Variants in DCDC1 observed in about 807,000 individuals in gnomAD.
DCDC1 encodes the protein doublecortin domain-containing protein 1.
DCDC1 carries 200 observed loss-of-function variants against 178.3 expected under a neutral mutation model. That is an observed-to-expected ratio of 1.12 (90% CI 1.00 to 1.26). DCDC1 has a LOEUF of 1.26. DCDC1 is among the 50% of genes most tolerant of loss of function. The pLI is 0.00. For synonymous variants in DCDC1, 690 were observed against 604.8 expected, an observed-to-expected ratio of 1.14 and a Z score of -2.07; for missense variants, 1,983 against 1,749.2, an observed-to-expected ratio of 1.13 and a Z score of -2.38.
At chr11:31,280,305 T>C (rs1406974778) in intron 7 of DCDC1, among the ~76,000 whole-genome samples, 1 of 152,194 alleles carries the variant, frequency 6.6e-6, no homozygotes, top group Non-Finnish European at 1.5e-5. Flanking sequence ...TTCCCCAGTA[T>C]TTAAATATAT....
intron 27 of DCDC1, among the ~76,000 whole-genome samples, chr11:30,913,882 C>T (rs1263049886): frequency 6.6e-6 from 1 of 152,160 alleles, no homozygotes; most frequent in Non-Finnish European, 1.5e-5. Context: ...CATGCATGTC[C>T]ACCCAAATTT....
chr11:31,180,359 G>T (rs1278963676), intron 9 of DCDC1, among the ~76,000 whole-genome samples: 2 of 152,130 alleles, frequency 1.3e-5, no homozygotes, highest in Non-Finnish European at 2.9e-5. Flanking sequence ...ACCCTGATTG[G>T]ATCATTATAT....
intron 20 of DCDC1, among the ~76,000 whole-genome samples, chr11:31,053,005 T>C (rs192859458): frequency 6.6e-6 from 1 of 151,244 alleles, no homozygotes; most frequent in East Asian, 2.0e-4. Flanking sequence ...CTAAATGAAA[T>C]GGAAACAAAA....
intron 18 of DCDC1, among the ~76,000 whole-genome samples, chr11:31,068,690 C>T (rs1956388018): frequency 1.3e-5 from 2 of 151,890 alleles, no homozygotes; most frequent in Admixed American, 6.6e-5. Context: ...AAATTTTTTT[C>T]AAAACTAACA....
intron 1 of DCDC1, among the ~76,000 whole-genome samples, chr11:31,360,020 A>G (rs1053484707): frequency 1.2e-4 from 18 of 152,190 alleles, no homozygotes; most frequent in African/African-American, 4.3e-4. Context: ...AAACATACGC[A>G]ATATGTAAAA....
At chr11:31,139,132 C>T (rs548920066) in intron 9 of DCDC1, among the ~76,000 whole-genome samples, 145 of 151,990 alleles carry the variant, frequency 9.5e-4, no homozygotes, top group African/African-American at 3.4e-3. Flanking sequence ...TATATATACA[C>T]GTATATACAT....
intron 3 of DCDC1, among the ~76,000 whole-genome samples, chr11:31,314,766 C>G (rs1948968742): frequency 1.3e-5 from 2 of 152,170 alleles, no homozygotes; most frequent in Admixed American, 1.3e-4. Flanking sequence ...TTAAAGATAA[C>G]TGATTATGTC....
At chr11:31,012,898 T>C (rs1952258418) in intron 20 of DCDC1, among the ~76,000 whole-genome samples, 1 of 152,174 alleles carries the variant, frequency 6.6e-6, no homozygotes, top group Non-Finnish European at 1.5e-5. Flanking sequence ...TAATAAACAC[T>C]AATTCAGAAT....
chr11:31,028,084 A>G (rs1648837035), intron 20 of DCDC1, among the ~76,000 whole-genome samples: 1 of 151,926 alleles, frequency 6.6e-6, no homozygotes, highest in Non-Finnish European at 1.5e-5. Context: ...AATGATATAT[A>G]GTCTGTAAAA....
intron 17 of DCDC1, among the ~76,000 whole-genome samples, chr11:31,085,419 C>T (rs1410793374): frequency 6.6e-6 from 1 of 152,050 alleles, no homozygotes; most frequent in Non-Finnish European, 1.5e-5. Context: ...CTTCAGGCAA[C>T]CACTGATCTG....
intron 34 of DCDC1, among the ~76,000 whole-genome samples, chr11:30,897,275 T>C (rs1224070456): frequency 1.3e-5 from 2 of 152,130 alleles, no homozygotes; most frequent in Non-Finnish European, 2.9e-5. Flanking sequence ...TTGTAGATGA[T>C]GACAAATTAA....
chr11:30,982,249 G>A (rs948033067), intron 20 of DCDC1, among the ~76,000 whole-genome samples: 19 of 152,138 alleles, frequency 1.2e-4, no homozygotes, highest in Admixed American at 5.9e-4. Context: ...CTTCCAAGGT[G>A]AGTTAAAGTT....
intron 9 of DCDC1, among the ~76,000 whole-genome samples, chr11:31,158,360 G>A (rs879449420): frequency 2.2e-4 from 33 of 151,566 alleles, no homozygotes; most frequent in Non-Finnish European, 3.7e-4. Flanking sequence ...CTTGTGATCT[G>A]CCCGCCTCGG....
At chr11:31,236,994 C>T (rs1390171305) in intron 9 of DCDC1, among the ~76,000 whole-genome samples, 1 of 151,882 alleles carries the variant, frequency 6.6e-6, no homozygotes, top group Non-Finnish European at 1.5e-5. Context: ...TCTGAAAAGA[C>T]AAACTTCAAG....
chr11:31,077,853 T>G lies in DCDC1; in HGVS notation c.2298+12A>C, dbSNP rs746546972. On this transcript the variant is annotated intron_variant, in intron 18 of 38. Transcript: ENST00000684477. The stretch of plus-strand genomic sequence containing the variant: ...ACTTAGGCATAAAAGCTGTGGATTA[T>G]AAAGTCCTTACCTTTGAATAAATGC... The G allele has an allele frequency of 1.3e-6, 1 of 765,856 alleles. No homozygotes were observed. The highest frequency in any genetic ancestry group is 2.4e-5 in the East Asian group (1 of 41,200). The allele number at this position is 765,856 out of a possible 1,614,324, so 47.4% of individuals were successfully genotyped here.
intron 8 of DCDC1, among the ~76,000 whole-genome samples, chr11:31,261,064 G>T (rs1246907428): frequency 1.3e-5 from 2 of 152,046 alleles, no homozygotes; most frequent in Non-Finnish European, 2.9e-5. Context: ...TTAAGTACAG[G>T]ATTAATATAT....
At chr11:31,152,099 TATGA>T (rs1173229834) in intron 9 of DCDC1, among the ~76,000 whole-genome samples, 2 of 152,198 alleles carry the variant, frequency 1.3e-5, no homozygotes, top group Non-Finnish European at 2.9e-5. Flanking sequence ...TAAAATTAAA[TATGA>T]ATAATTTTCA....
At chr11:31,212,077 A>G (rs1972605020) in intron 9 of DCDC1, among the ~76,000 whole-genome samples, 1 of 138,696 alleles carries the variant, frequency 7.2e-6, no homozygotes, top group Non-Finnish European at 1.6e-5. Flanking sequence ...AGCGAGACTC[A>G]GTCTCAAAAA....
In DCDC1 at chr11:31,194,222, A is replaced by T. The variant is rs115920991; in HGVS notation, c.1221+47228T>A. ...TTCAGTGTTTAATGTCGACAAGATTACTTCTTGTTGTGCCACTTGGGTGCA... is the reference window on the plus strand; with the variant it reads ...TTCAGTGTTTAATGTCGACAAGATTTCTTCTTGTTGTGCCACTTGGGTGCA... On this transcript the variant is annotated intron_variant, in intron 9 of 38. Coordinates refer to ENST00000684477, the MANE Select transcript of DCDC1 (RefSeq NM_001387274.1). Among the ~76,000 whole-genome samples the T allele has an allele frequency of 5.0e-3, 754 of 152,222 alleles. 8 individuals are homozygous for T. Among genetic ancestry groups the T allele is most frequent in the African/African-American group, 0.017 (718 of 41,558 alleles).
Sources: allele counts gnomAD v4.1 joint callset (sites outside exome capture counted in the v4.1 genomes callset), GRCh38; gene constraint gnomAD v4.1.1; transcripts MANE v1.5; gene names NCBI Gene and HGNC (gene_info 2026-07-23, HGNC 2026-07-21).